RNF13: variants seen among roughly 807,000 people sequenced by gnomAD.
RNF13 encodes the protein ring finger protein 13, also known as E3 ubiquitin-protein ligase RNF13.
A neutral mutation model predicts 37.7 loss-of-function variants in RNF13; 19 were observed. That is an observed-to-expected ratio of 0.50 (90% CI 0.35 to 0.74). RNF13 has a LOEUF of 0.74. RNF13 is among the 30% of genes least tolerant of loss of function. The pLI, the probability that RNF13 is intolerant of heterozygous loss-of-function variation, is 0.01. For synonymous variants in RNF13, 144 were observed against 157.8 expected (o/e 0.91, Z 0.65); for missense variants, 375 against 453.0 (o/e 0.83, Z 1.56).
chr3:149,831,515 C>T (rs1049126499), intron 1 of RNF13, among the ~76,000 whole-genome samples: 13 of 152,234 alleles, frequency 8.5e-5, no homozygotes, highest in South Asian at 4.1e-4. Context: ...CAGTTTCTCC[C>T]GTTTGGAATG....
chr3:149,919,272 T>C (rs1315098637), intron 7 of RNF13, among the ~76,000 whole-genome samples: 5 of 152,188 alleles, frequency 3.3e-5, no homozygotes, highest in African/African-American at 1.2e-4. Flanking sequence ...ATCATCCATA[T>C]GTAACAGATA....
chr3:149,861,230 T>C (rs547879000), intron 3 of RNF13, among the ~76,000 whole-genome samples: 1 of 147,254 alleles, frequency 6.8e-6, no homozygotes, highest in African/African-American at 2.5e-5. Flanking sequence ...TAAAAGGGGG[T>C]GGGGGAGAAC....
At chr3:149,902,681 A>G (rs1374188724) in intron 6 of RNF13, among the ~76,000 whole-genome samples, 1 of 152,118 alleles carries the variant, frequency 6.6e-6, no homozygotes, top group African/African-American at 2.4e-5. Context: ...AAGATAACAT[A>G]CAGACTGAAA....
At position 149,945,591 on chromosome 3, in the gene RNF13, T is replaced by G. The variant is rs182831134; in HGVS notation, c.701-14465T>G. ...GTAGTGGTTCTCCCAGCACGCAGCTTGAGATCTGAGAACAGACAGACTGCC... is the reference window on the plus strand; with the variant it reads ...GTAGTGGTTCTCCCAGCACGCAGCTGGAGATCTGAGAACAGACAGACTGCC... On this transcript the variant is annotated intron_variant, in intron 8 of 9. Coordinates refer to ENST00000392894, the MANE Select transcript of RNF13 (RefSeq NM_183381.3). Among the ~76,000 whole-genome samples, 1,054 of 152,268 alleles carry G rather than the reference T, an allele frequency of 6.9e-3. 9 individuals are homozygous for G. Among genetic ancestry groups the G allele is most frequent in the Admixed American group, 8.7e-3 (133 of 15,290 alleles).
rs1299455659 is a variant in RNF13 at position 149,961,831 on chromosome 3, A to G, written c.*727A>G. 2.6e-5 allele frequency: 4 copies of G among 153,606 alleles called. No individual in the cohort carries two copies. The highest frequency in any genetic ancestry group is 9.6e-5 in the African/African-American group (4 of 41,478). The allele number at this position is 153,606 out of a possible 1,614,324, so 9.5% of individuals were successfully genotyped here. On this transcript the variant is annotated 3_prime_UTR_variant, in exon 10 of 10. Transcript: ENST00000392894. ...AAAGAAAATGCTGCATAAAAATACC[A>G]AACTTCAGCAACTGTTAATACTCAG...
chr3:149,858,291 A>G (rs566733161), intron 3 of RNF13, among the ~76,000 whole-genome samples: 1 of 152,324 alleles, frequency 6.6e-6, no homozygotes, highest in African/African-American at 2.4e-5. Context: ...AAGACTTTAC[A>G]TGTGGATTTG....
intron 8 of RNF13, among the ~76,000 whole-genome samples, chr3:149,947,861 T>C (rs1720926561): frequency 6.6e-6 from 1 of 152,194 alleles, no homozygotes; most frequent in Non-Finnish European, 1.5e-5. Flanking sequence ...AAGTCTATTC[T>C]GTTTGATATA....
At chr3:149,863,286 G>T (rs1235125917) in intron 3 of RNF13, among the ~76,000 whole-genome samples, 1 of 152,164 alleles carries the variant, frequency 6.6e-6, no homozygotes, top group African/African-American at 2.4e-5. Context: ...AGTAATGAAT[G>T]AGTGAGGGTC....
intron 6 of RNF13, among the ~76,000 whole-genome samples, chr3:149,903,146 C>T (rs557375493): frequency 6.6e-6 from 1 of 152,098 alleles, no homozygotes; most frequent in Non-Finnish European, 1.5e-5. Flanking sequence ...AAATACTGTT[C>T]ACATATTATA....
chr3:149,894,166 T>C (rs1293280287), intron 4 of RNF13, among the ~76,000 whole-genome samples: 1 of 152,184 alleles, frequency 6.6e-6, no homozygotes, highest in Non-Finnish European at 1.5e-5. Flanking sequence ...ATTTAGTTTT[T>C]TTTAGTAATA....
intron 4 of RNF13, among the ~76,000 whole-genome samples, chr3:149,889,653 ATTTTT>A (rs945001092): frequency 7.9e-6 from 1 of 126,256 alleles, no homozygotes. Flanking sequence ...AAATCTGACA[ATTTTT>A]TTTTTTTTTT....
intron 1 of RNF13, among the ~76,000 whole-genome samples, chr3:149,841,413 T>C (rs929459043): frequency 2.6e-5 from 4 of 152,140 alleles, no homozygotes; most frequent in African/African-American, 9.7e-5. Context: ...ATACACAAAA[T>C]TTTGCATACA....
intron 8 of RNF13, among the ~76,000 whole-genome samples, chr3:149,958,755 C>T (rs112639413): frequency 8.9e-4 from 136 of 152,238 alleles, no homozygotes; most frequent in African/African-American, 3.1e-3. Context: ...ATCAGAGGTC[C>T]TTTAGTCTTC....
chr3:149,824,344 C>G (rs918887700), intron 1 of RNF13, among the ~76,000 whole-genome samples: 1 of 152,104 alleles, frequency 6.6e-6, no homozygotes, highest in African/African-American at 2.4e-5. Context: ...GATTAAGGAC[C>G]TCGGGTTGGG....
intron 3 of RNF13, among the ~76,000 whole-genome samples, chr3:149,861,892 C>T (rs181263163): frequency 2.0e-5 from 3 of 152,090 alleles, no homozygotes; most frequent in East Asian, 3.9e-4. Context: ...AATTATCACA[C>T]GCACCCCATA....
chr3:149,845,746 A>C (rs1722584987), intron 1 of RNF13: 5 of 254,866 alleles, frequency 2.0e-5, no homozygotes, highest in Non-Finnish European at 3.7e-5. Flanking sequence ...CTATAAACTG[A>C]GCACTGTGGG....
chr3:149,858,781 T>C (rs560740031), intron 3 of RNF13, among the ~76,000 whole-genome samples: 72 of 152,348 alleles, frequency 4.7e-4, no homozygotes, highest in African/African-American at 1.7e-3. Flanking sequence ...TTATTTCCCC[T>C]CATCATTATT....
intron 6 of RNF13, among the ~76,000 whole-genome samples, chr3:149,911,391 C>T (rs915756910): frequency 1.3e-4 from 20 of 152,270 alleles, no homozygotes; most frequent in African/African-American, 4.8e-4. Flanking sequence ...GCCGTGGTGG[C>T]TCACGCCTGT....
intron 4 of RNF13, among the ~76,000 whole-genome samples, chr3:149,890,215 G>C (rs1387061850): frequency 6.6e-6 from 1 of 152,160 alleles, no homozygotes; most frequent in Admixed American, 6.5e-5. Context: ...TGTCATAAAA[G>C]CTTCTAAATC....
Sources: gnomAD v4.1 joint callset for allele counts (sites outside exome capture counted in the v4.1 genomes callset) on GRCh38, gnomAD v4.1.1 for gene constraint, MANE v1.5 for transcripts, NCBI Gene and HGNC (gene_info 2026-07-23, HGNC 2026-07-21) for gene names.